BMPR1A: variants seen among roughly 807,000 people sequenced by gnomAD.
The protein encoded by BMPR1A is bone morphogenetic protein receptor type 1A.
BMPR1A carries 7 observed loss-of-function variants against 66.0 expected under a neutral mutation model. The ratio of observed to expected loss-of-function variants is 0.11; its 90% CI spans 0.06 to 0.20. The LOEUF (loss-of-function observed/expected upper bound fraction) is 0.20. BMPR1A is among the 10% of genes least tolerant of loss of function. The probability of loss-of-function intolerance (pLI) is 1.00; values close to 1 mark genes in which losing one functional copy is unlikely to be tolerated. For missense variants in BMPR1A, 408 were observed against 669.1 expected, an observed-to-expected ratio of 0.61 and a Z score of 4.31; for synonymous variants, 200 against 229.7, an observed-to-expected ratio of 0.87 and a Z score of 1.17.
intron 1 of BMPR1A, among the ~76,000 whole-genome samples, chr10:86,818,163 C>G (rs1039775091): frequency 4.6e-5 from 7 of 152,186 alleles, no homozygotes; most frequent in African/African-American, 1.7e-4. Flanking sequence ...GGATTACAGG[C>G]ACCTGCCACC....
chr10:86,867,144 A>G (rs573047445), intron 2 of BMPR1A, among the ~76,000 whole-genome samples: 2 of 152,224 alleles, frequency 1.3e-5, no homozygotes, highest in African/African-American at 2.4e-5. Context: ...TCAATTTACC[A>G]GTAAAGGTTG....
At chr10:86,789,215 C>G (rs546280928) in intron 1 of BMPR1A, among the ~76,000 whole-genome samples, 1 of 152,246 alleles carries the variant, frequency 6.6e-6, no homozygotes, top group East Asian at 1.9e-4. Context: ...AGGTATAAAT[C>G]TTGGTGACCT....
At chr10:86,787,561 A>G (rs1474319483) in intron 1 of BMPR1A, among the ~76,000 whole-genome samples, 6 of 152,242 alleles carry the variant, frequency 3.9e-5, no homozygotes, top group Admixed American at 3.3e-4. Context: ...ATGCTCACCT[A>G]TTAAACTGAC....
intron 2 of BMPR1A, among the ~76,000 whole-genome samples, chr10:86,849,240 A>G (rs1842532427): frequency 6.6e-6 from 1 of 152,234 alleles, no homozygotes; most frequent in African/African-American, 2.4e-5. Flanking sequence ...ATAAAACTAT[A>G]TAGTAATGCT....
At chr10:86,895,074 G>A (rs1052048506) in intron 5 of BMPR1A, among the ~76,000 whole-genome samples, 7 of 152,286 alleles carry the variant, frequency 4.6e-5, no homozygotes, top group Admixed American at 1.3e-4. Context: ...GTTGTAATTC[G>A]AAGTAAAGGC....
downstream of BMPR1A, chr10:86,931,298 C>CACACACACATAT: frequency 1.2e-4 from 11 of 90,922 alleles, 1 homozygote; most frequent in East Asian, 9.0e-4. Flanking sequence ...CACACACACA[C>CACACACACATAT]ATATATATAT....
At chr10:86,810,063 C>T (rs965547239) in intron 1 of BMPR1A, among the ~76,000 whole-genome samples, 13 of 151,918 alleles carry the variant, frequency 8.6e-5, no homozygotes, top group Admixed American at 3.9e-4. Context: ...CTCCGCCTCC[C>T]GGGTTCAAGC....
intron 1 of BMPR1A, among the ~76,000 whole-genome samples, chr10:86,809,059 G>A (rs559312510): frequency 2.1e-4 from 32 of 151,972 alleles, no homozygotes; most frequent in Admixed American, 1.8e-3. Context: ...ATTATGAGTC[G>A]TTCATTCATT....
intron 1 of BMPR1A, among the ~76,000 whole-genome samples, chr10:86,814,394 A>G (rs1842007499): frequency 6.6e-6 from 1 of 152,094 alleles, no homozygotes; most frequent in Admixed American, 6.5e-5. Context: ...AGAAATAGGA[A>G]CAATTTTTGT....
At chr10:86,839,679 T>A (rs1313484339) in intron 2 of BMPR1A, among the ~76,000 whole-genome samples, 1 of 151,804 alleles carries the variant, frequency 6.6e-6, no homozygotes, top group Non-Finnish European at 1.5e-5. Flanking sequence ...ATTCAGAATT[T>A]TTTTTTTTTT....
chr10:86,904,234 G>C (rs1201074494), intron 7 of BMPR1A, among the ~76,000 whole-genome samples: 1 of 152,140 alleles, frequency 6.6e-6, no homozygotes, highest in Non-Finnish European at 1.5e-5. Flanking sequence ...CATGAATCCA[G>C]ATATCTGAAA....
chr10:86,824,106 T>TGTGTGTGC (rs1455850679), intron 1 of BMPR1A, among the ~76,000 whole-genome samples: 1 of 120,952 alleles, frequency 8.3e-6, no homozygotes, highest in African/African-American at 3.0e-5. Context: ...TGTGTGTGTG[T>TGTGTGTGC]GTGTGTTTCT....
At chr10:86,892,372 G>A in intron 5 of BMPR1A, 143 bp downstream of exon 5, 2 of 663,546 alleles carry the variant, frequency 3.0e-6, no homozygotes, top group East Asian at 5.5e-5. Flanking sequence ...CTACTGTCTA[G>A]ATTCTGTCCT....
At chr10:86,908,178 C>G (rs969018148) in intron 7 of BMPR1A, among the ~76,000 whole-genome samples, 3 of 152,058 alleles carry the variant, frequency 2.0e-5, no homozygotes, top group Non-Finnish European at 4.4e-5. Context: ...CACTCTAGCC[C>G]AAGCGACAGA....
intron 1 of BMPR1A, among the ~76,000 whole-genome samples, chr10:86,837,146 G>C (rs1260761097): frequency 6.6e-6 from 1 of 152,084 alleles, no homozygotes; most frequent in Non-Finnish European, 1.5e-5. Flanking sequence ...AGTAAATGGT[G>C]CTGTAATAAA....
chr10:86,868,138 A>G (rs1408396980), intron 2 of BMPR1A, among the ~76,000 whole-genome samples: 1 of 152,210 alleles, frequency 6.6e-6, no homozygotes, highest in Admixed American at 6.5e-5. Context: ...GCCCACGGGC[A>G]TTATTGTAAA....
intron 1 of BMPR1A, among the ~76,000 whole-genome samples, chr10:86,826,174 C>T (rs967943191): frequency 1.3e-5 from 2 of 152,020 alleles, no homozygotes; most frequent in South Asian, 2.1e-4. Flanking sequence ...CATTTTAGCA[C>T]GTGTATCCTA....
intron 1 of BMPR1A, among the ~76,000 whole-genome samples, chr10:86,815,992 C>T (rs1842031647): frequency 6.6e-6 from 1 of 152,190 alleles, no homozygotes; most frequent in African/African-American, 2.4e-5. Context: ...ACAAGGTGGT[C>T]AGCCTGGCTC....
chr10:86,848,880 A>C (rs183972731), intron 2 of BMPR1A, among the ~76,000 whole-genome samples: 4 of 152,262 alleles, frequency 2.6e-5, no homozygotes, highest in African/African-American at 4.8e-5. Context: ...GAAGTTGCTA[A>C]ATTTTATCAG....
Sources: gnomAD v4.1 joint callset for allele counts (sites outside exome capture counted in the v4.1 genomes callset) on GRCh38, gnomAD v4.1.1 for gene constraint, MANE v1.5 for transcripts, NCBI Gene and HGNC (gene_info 2026-07-23, HGNC 2026-07-21) for gene names.